The following SGCZ variants were observed in gnomAD, a reference collection of about 807,000 sequenced individuals.
The protein encoded by SGCZ is sarcoglycan zeta.
SGCZ carries 40 observed loss-of-function variants against 41.3 expected under a neutral mutation model. The ratio of observed to expected loss-of-function variants is 0.97; its 90% CI spans 0.75 to 1.26. The LOEUF (loss-of-function observed/expected upper bound fraction) is 1.26. Among genes scored for constraint, SGCZ ranks in the 50% most tolerant of loss-of-function variants. The probability of loss-of-function intolerance (pLI) is 0.00; values close to 1 mark genes in which losing one functional copy is unlikely to be tolerated. For synonymous variants in SGCZ, 206 were observed against 137.5 expected (o/e 1.50, Z -3.49); for missense variants, 552 against 369.8 (o/e 1.49, Z -4.04).
chr8:14,674,294 A>G (rs1186979703), intron 1 of SGCZ, among the ~76,000 whole-genome samples: 1 of 152,138 alleles, frequency 6.6e-6, no homozygotes. Flanking sequence ...AGTTTGTTTA[A>G]GGAAACTATT....
intron 1 of SGCZ, among the ~76,000 whole-genome samples, chr8:14,717,607 C>T (rs1407327261): frequency 6.6e-6 from 1 of 151,928 alleles, no homozygotes; most frequent in Non-Finnish European, 1.5e-5. Flanking sequence ...GAGCATAAAG[C>T]CATATGCTCA....
At chr8:14,101,067 C>G (rs1585133770) in intron 7 of SGCZ, among the ~76,000 whole-genome samples, 1 of 151,202 alleles carries the variant, frequency 6.6e-6, no homozygotes, top group Non-Finnish European at 1.5e-5. Flanking sequence ...TTTAAAATAA[C>G]TAAGGTAGAA....
intron 3 of SGCZ, among the ~76,000 whole-genome samples, chr8:14,255,510 T>C (rs1799430731): frequency 6.6e-6 from 1 of 152,144 alleles, no homozygotes; most frequent in Admixed American, 6.6e-5. Flanking sequence ...AAAATTTGTA[T>C]TCAACTGATA....
At chr8:14,502,069 C>A (rs1457161834) in intron 2 of SGCZ, among the ~76,000 whole-genome samples, 1 of 151,846 alleles carries the variant, frequency 6.6e-6, no homozygotes, top group African/African-American at 2.4e-5. Flanking sequence ...GTAACAAATT[C>A]TTTTGTTTGT....
intron 1 of SGCZ, among the ~76,000 whole-genome samples, chr8:14,988,330 T>C (rs1801896641): frequency 6.6e-6 from 1 of 152,014 alleles, no homozygotes; most frequent in African/African-American, 2.4e-5. Flanking sequence ...TCATATAAGA[T>C]ATACCATACT....
At chr8:14,577,582 T>C (rs1397640205) in intron 1 of SGCZ, among the ~76,000 whole-genome samples, 1 of 151,984 alleles carries the variant, frequency 6.6e-6, no homozygotes, top group East Asian at 1.9e-4. Context: ...GAGACAGTGT[T>C]TCACCATATT....
At chr8:14,427,640 C>G (rs907767628) in intron 2 of SGCZ, among the ~76,000 whole-genome samples, 5 of 152,140 alleles carry the variant, frequency 3.3e-5, no homozygotes, top group African/African-American at 1.2e-4. Context: ...GAGGGCTTTA[C>G]AGGAGTTAGG....
Position 14,340,481 on chromosome 8 carries a change from C to T in SGCZ, c.235-16277G>A, listed in dbSNP as rs531749449. On this transcript the variant is annotated intron_variant, in intron 2 of 7. Coordinates refer to ENST00000382080, the MANE Select transcript of SGCZ (RefSeq NM_139167.4). ...TTACAGTTCACTGGTTTGCTGAATA[C>T]TCTATCCCTGTGGTCTTATTTTAAT... 2.0e-5 allele frequency among the ~76,000 whole-genome samples: 3 copies of T among 152,204 alleles called. No individual in the cohort carries two copies. The South Asian group carries it at 6.2e-4, about 32-fold the overall frequency.
At chr8:14,690,691 T>C (rs1293704176) in intron 1 of SGCZ, 1 of 152,136 alleles carries the variant, frequency 6.6e-6, no homozygotes, top group Non-Finnish European at 1.5e-5. Flanking sequence ...TGGTGTAAAA[T>C]AATGAAAATA....
At chr8:14,181,040 C>G (rs536679043) in intron 4 of SGCZ, among the ~76,000 whole-genome samples, 1 of 152,128 alleles carries the variant, frequency 6.6e-6, no homozygotes, top group East Asian at 1.9e-4. Flanking sequence ...ATTTAGCAAG[C>G]GGCTATTATG....
In SGCZ at chr8:15,108,429, T is replaced by A. The variant is rs867143309; in HGVS notation, c.39+129156A>T. ...ACACACCTGTAATCCATTTGTTGCA[T>A]AGGAATTGGAAAGCTCTGTTAATGA... On this transcript the variant is annotated intron_variant, in intron 1 of 7. Transcript: ENST00000382080. Among the ~76,000 whole-genome samples the A allele has an allele frequency of 3.3e-5, 5 of 152,280 alleles. No individual in the cohort carries two copies. The East Asian group carries it at 9.6e-4, about 29-fold the overall frequency.
chr8:14,999,569 CAG>C (rs1802337988), intron 1 of SGCZ, among the ~76,000 whole-genome samples: 1 of 152,148 alleles, frequency 6.6e-6, no homozygotes, highest in Non-Finnish European at 1.5e-5. Context: ...AGTGGTGAGA[CAG>C]AGGCTGGAAA....
chr8:14,344,088 G>T (rs1802806528), intron 2 of SGCZ, among the ~76,000 whole-genome samples: 1 of 152,126 alleles, frequency 6.6e-6, no homozygotes, highest in Admixed American at 6.5e-5. Context: ...GAACTTTATT[G>T]ATGGGCACAG....
intron 3 of SGCZ, among the ~76,000 whole-genome samples, chr8:14,272,842 A>G (rs1041520880): frequency 6.6e-5 from 10 of 152,214 alleles, no homozygotes; most frequent in Non-Finnish European, 1.5e-4. Context: ...GAATTGTTAT[A>G]TCTTGAACTG....
At chr8:14,260,776 G>C (rs1285905248) in intron 3 of SGCZ, among the ~76,000 whole-genome samples, 1 of 152,140 alleles carries the variant, frequency 6.6e-6, no homozygotes, top group Non-Finnish European at 1.5e-5. Context: ...CATAAACAAT[G>C]ATGAGTTCAT....
chr8:14,757,754 C>T (rs1799725308), intron 1 of SGCZ, among the ~76,000 whole-genome samples: 1 of 152,114 alleles, frequency 6.6e-6, no homozygotes, highest in Non-Finnish European at 1.5e-5. Flanking sequence ...GTTAATAAAC[C>T]TTAAGCTTCC....
chr8:14,426,692 T>A (rs1799791899), intron 2 of SGCZ, among the ~76,000 whole-genome samples: 1 of 152,038 alleles, frequency 6.6e-6, no homozygotes, highest in Non-Finnish European at 1.5e-5. Context: ...CTGGATGAAA[T>A]GTGAGAAGAA....
chr8:15,143,497 C>A (rs1051916685), intron 1 of SGCZ, among the ~76,000 whole-genome samples: 2 of 152,144 alleles, frequency 1.3e-5, no homozygotes, highest in Admixed American at 1.3e-4. Context: ...CTCCAGTTTT[C>A]CAAAGTGTTT....
chr8:14,443,119 C>A (rs1233336499), intron 2 of SGCZ, among the ~76,000 whole-genome samples: 1 of 151,732 alleles, frequency 6.6e-6, no homozygotes, highest in African/African-American at 2.4e-5. Flanking sequence ...TGAAGGACCT[C>A]TTCAAGGAGA....
Sources: allele counts gnomAD v4.1 joint callset (sites outside exome capture counted in the v4.1 genomes callset), GRCh38; gene constraint gnomAD v4.1.1; transcripts MANE v1.5; gene names NCBI Gene and HGNC (gene_info 2026-07-23, HGNC 2026-07-21).